Variants in MYOM1 observed in about 807,000 individuals in gnomAD.
MYOM1 encodes myomesin-1.
In MYOM1, 164 loss-of-function variants were observed where a neutral mutation model predicts 205.3. The ratio of observed to expected loss-of-function variants is 0.80; its 90% CI spans 0.70 to 0.91. MYOM1 has a LOEUF of 0.91. Ranked by LOEUF, MYOM1 falls within the 40% of genes least tolerant of loss-of-function variation. The pLI is 0.00. For missense variants in MYOM1, 2,011 were observed against 2,127.3 expected, an observed-to-expected ratio of 0.95 and a Z score of 1.08; for synonymous variants, 772 against 789.4, an observed-to-expected ratio of 0.98 and a Z score of 0.37.
chr18:3,230,321 C>G, the MYOM1 span, among the ~76,000 whole-genome samples: 1 of 152,132 alleles, frequency 6.6e-6, no homozygotes, highest in Non-Finnish European at 1.5e-5. Context: ...AACCTAAGGC[C>G]GAATTCATGC....
chr18:3,128,682 A>G (rs1423294411), intron 18 of MYOM1, among the ~76,000 whole-genome samples: 1 of 152,066 alleles, frequency 6.6e-6, no homozygotes, highest in African/African-American at 2.4e-5. Context: ...GAAATTTTTA[A>G]TCTTTTTATA....
At chr18:3,155,424 C>G (rs946702428) in intron 10 of MYOM1, among the ~76,000 whole-genome samples, 2 of 152,192 alleles carry the variant, frequency 1.3e-5, no homozygotes, top group African/African-American at 4.8e-5. Context: ...TGGGGTTTCA[C>G]CGTGTTAGCC....
intron 16 of MYOM1, among the ~76,000 whole-genome samples, chr18:3,133,370 T>C (rs1472484327): frequency 6.6e-6 from 1 of 152,176 alleles, no homozygotes; most frequent in East Asian, 1.9e-4. Flanking sequence ...CCCCCTCTCA[T>C]ACTGGTCTCT....
intron 1 of MYOM1, 74 bp from the exon 2 acceptor site, chr18:3,215,325 T>G (rs2081251372): frequency 4.2e-6 from 5 of 1,199,086 alleles, no homozygotes; most frequent in Non-Finnish European, 5.7e-6. Context: ...TAAATCAATG[T>G]GTAAAAATCA....
chr18:3,237,240 CAT>C, the MYOM1 span, among the ~76,000 whole-genome samples: 1 of 152,092 alleles, frequency 6.6e-6, no homozygotes, highest in Non-Finnish European at 1.5e-5. Context: ...CCCAAGTGTC[CAT>C]CAACAAATGA....
intron 33 of MYOM1, among the ~76,000 whole-genome samples, chr18:3,082,581 C>A (rs1254518357): frequency 2.0e-5 from 3 of 152,160 alleles, no homozygotes; most frequent in Admixed American, 6.5e-5. Context: ...CTCAGTGGGG[C>A]TCCTAGGAAC....
Position 3,151,789 on chromosome 18 carries a change from C to T in MYOM1, c.1748G>A (p.Arg583Gln), listed in dbSNP as rs759519206. 1 of 1,613,784 alleles carries T rather than the reference C, an allele frequency of 6.2e-7. No homozygotes were observed. The highest frequency in any genetic ancestry group is 1.3e-5 in the African/African-American group (1 of 74,910). The change falls in exon 12 of 38, where the codon CGA (arginine) becomes CAA (glutamine). Residue 583 changes from arginine (R) to glutamine (Q), a missense_variant. Coordinates refer to ENST00000356443, the MANE Select transcript of MYOM1 (RefSeq NM_003803.4). ...TCCCATTTTATTCACAGCTCGAACT[C>T]GGAAGATATAGGAACGACCTTCGAT... ...GLIEGRSYIF[R>Q]VRAVNKMGIG...
chr18:3,082,866 A>G (rs184616876), intron 33 of MYOM1, among the ~76,000 whole-genome samples: 15 of 152,218 alleles, frequency 9.9e-5, no homozygotes, highest in African/African-American at 3.6e-4. Context: ...GAGATCTCCA[A>G]AGCCTTCTGA....
At chr18:3,083,959 CATT>C (rs2079120217) in intron 32 of MYOM1, 27 bp downstream of exon 32, 1 of 1,585,312 alleles carries the variant, frequency 6.3e-7, no homozygotes, top group Non-Finnish European at 8.6e-7. Flanking sequence ...GATCATAAAG[CATT>C]GTTGTGGTGC....
intron 26 of MYOM1, 44 bp from the exon 27 acceptor site, chr18:3,090,846 T>C (rs777027454): frequency 2.5e-6 from 4 of 1,609,610 alleles, no homozygotes; most frequent in Non-Finnish European, 3.4e-6. Context: ...CTGAGGCATA[T>C]ATTTTACTTG....
At chr18:3,149,052 A>T in intron 13 of MYOM1, 93 bp downstream of exon 13, 1 of 962,826 alleles carries the variant, frequency 1.0e-6, no homozygotes. Context: ...TTACCAAAAC[A>T]TCTTAAGCAA....
chr18:3,131,159 G>A (rs952130571), intron 17 of MYOM1, among the ~76,000 whole-genome samples: 1 of 152,154 alleles, frequency 6.6e-6, no homozygotes, highest in Admixed American at 6.5e-5. Context: ...AAGATGAAAA[G>A]GCTATGGATG....
rs1211198644 is a variant in MYOM1 at position 3,135,620 on chromosome 18, G to A, written c.2136C>T (p.Val712=). The part of the protein sequence containing the change: ...LAEGKSYCFR[V]RCSNSAGVGE... Reference sequence around the variant, plus strand: ...CAACTCCTGCAGAATTAGAACAGCGGACACGGAAACAGTAGGATTTCCCCT... The same window carrying A: ...CAACTCCTGCAGAATTAGAACAGCGAACACGGAAACAGTAGGATTTCCCCT... The change falls in exon 15 of 38, where the codon GTC becomes GTT. Residue 712 remains valine, a synonymous_variant. Coordinates refer to ENST00000356443, the MANE Select transcript of MYOM1 (RefSeq NM_003803.4). The surrounding 1 kb of genome is among the most constrained non-coding windows in gnomAD (Gnocchi z 4.1). 3 of 1,613,774 alleles carry A rather than the reference G, an allele frequency of 1.9e-6. No homozygotes were observed. Among genetic ancestry groups the A allele is most frequent in the East Asian group, 2.2e-5 (1 of 44,878 alleles).
rs922615561 is a variant in MYOM1 at position 3,189,893 on chromosome 18, A to G, written c.432-806T>C. 6.6e-6 allele frequency among the ~76,000 whole-genome samples: 1 copy of G among 152,184 alleles called. No homozygotes were observed. Among genetic ancestry groups the G allele is most frequent in the Admixed American group, 6.5e-5 (1 of 15,278 alleles). ...TGATCTGGGTTCTGTCACTTTGCTG[A>G]TGTAATGCATTGCCTGGAGTTGTTA... is the stretch of plus-strand genomic sequence containing the variant. On this transcript the variant is annotated intron_variant, in intron 3 of 37. Transcript: ENST00000356443. The surrounding 1 kb of genome is among the most constrained non-coding windows in gnomAD (Gnocchi z 4.8).
At chr18:3,167,670 C>T (rs2080492803) in intron 9 of MYOM1, among the ~76,000 whole-genome samples, 1 of 152,194 alleles carries the variant, frequency 6.6e-6, no homozygotes, top group Non-Finnish European at 1.5e-5. Flanking sequence ...CAGGTGTGAG[C>T]CGCTGTGCCC....
chr18:3,156,295 A>G (rs1395658140), intron 10 of MYOM1, among the ~76,000 whole-genome samples: 1 of 152,118 alleles, frequency 6.6e-6, no homozygotes. Context: ...ATGTCGACCA[A>G]ACAAACACTT....
At chr18:3,131,037 G>A (rs2079868100) in intron 17 of MYOM1, among the ~76,000 whole-genome samples, 2 of 152,194 alleles carry the variant, frequency 1.3e-5, no homozygotes, top group Admixed American at 6.5e-5. Flanking sequence ...CTGTGTTATG[G>A]GTGATATACC....
chr18:3,136,131 C>T lies in MYOM1; in HGVS notation c.2026-401G>A, dbSNP rs181937810. Among the ~76,000 whole-genome samples, 158 of 132,906 alleles carry T rather than the reference C, an allele frequency of 1.2e-3. 1 individual carries two copies. In the South Asian group the frequency reaches 0.018, roughly 15 times the overall value. The allele number at this position is 132,906 out of a possible 152,430, so 87.2% of individuals were successfully genotyped here. A position where few individuals can be genotyped will look rare whatever the true frequency, so the allele number is the denominator to read the frequency against. On this transcript the variant is annotated intron_variant, in intron 14 of 37. Coordinates refer to ENST00000356443, the MANE Select transcript of MYOM1 (RefSeq NM_003803.4). Reference sequence around the variant, plus strand: ...TTCACTTGGCTCTCCTTCTGTCTTGCCTGCCACCGTGTAAGACGTGCCTTT... The same window carrying T: ...TTCACTTGGCTCTCCTTCTGTCTTGTCTGCCACCGTGTAAGACGTGCCTTT...
the MYOM1 span, among the ~76,000 whole-genome samples, chr18:3,244,875 G>A: frequency 2.0e-5 from 3 of 151,660 alleles, no homozygotes; most frequent in Non-Finnish European, 2.9e-5. Context: ...CTCCAGCCTG[G>A]GCGACAGAGT....
Sources: allele counts gnomAD v4.1 joint callset (sites outside exome capture counted in the v4.1 genomes callset), GRCh38; gene constraint gnomAD v4.1.1; non-coding constraint Gnocchi (gnomAD v3.1); transcripts MANE v1.5; gene names NCBI Gene and HGNC (gene_info 2026-07-23, HGNC 2026-07-21).